The following NUBPL variants were observed in gnomAD, a reference collection of about 807,000 sequenced individuals.
NUBPL encodes iron-sulfur cluster transfer protein NUBPL.
A neutral mutation model predicts 45.7 loss-of-function variants in NUBPL; 31 were observed. That is an observed-to-expected ratio of 0.68 (90% confidence interval 0.51 to 0.92). NUBPL has a LOEUF of 0.92. Ranked by LOEUF, NUBPL falls within the 40% of genes least tolerant of loss-of-function variation. The pLI, the probability that NUBPL is intolerant of heterozygous loss-of-function variation, is 0.00. For synonymous variants in NUBPL, 144 were observed against 140.9 expected (o/e 1.02, Z -0.15); for missense variants, 401 against 398.7 (o/e 1.01, Z -0.05).
At chr14:31,584,603 C>T (rs534196648) in intron 3 of NUBPL, among the ~76,000 whole-genome samples, 2 of 152,314 alleles carry the variant, frequency 1.3e-5, no homozygotes, top group East Asian at 1.9e-4. Context: ...AACTGTCACT[C>T]CTTAATTCCC....
At chr14:31,730,865 G>T (rs2038034861) in intron 6 of NUBPL, among the ~76,000 whole-genome samples, 1 of 152,146 alleles carries the variant, frequency 6.6e-6, no homozygotes, top group South Asian at 2.1e-4. Context: ...GACGTTGTCA[G>T]CCAATGTGTC....
chr14:31,849,919 T>C (rs2040511336), intron 9 of NUBPL, 200 bp from the exon 10 acceptor site: 3 of 600,564 alleles, frequency 5.0e-6, no homozygotes, highest in Non-Finnish European at 8.9e-6. Flanking sequence ...AAACATACAA[T>C]CACTGTACTA....
intron 7 of NUBPL, among the ~76,000 whole-genome samples, chr14:31,806,574 T>A (rs904432737): frequency 1.3e-5 from 2 of 151,952 alleles, no homozygotes; most frequent in African/African-American, 2.4e-5. Context: ...AATACAAGGG[T>A]TTTATCTTTT....
At chr14:31,733,644 C>T (rs1296027770) in intron 6 of NUBPL, among the ~76,000 whole-genome samples, 1 of 152,084 alleles carries the variant, frequency 6.6e-6, no homozygotes, top group African/African-American at 2.4e-5. Context: ...ACCTGTCATA[C>T]TACATTTCTG....
intron 1 of NUBPL, 85 bp downstream of exon 1, chr14:31,561,632 A>G (rs772383236): frequency 2.6e-5 from 24 of 926,936 alleles, no homozygotes; most frequent in Non-Finnish European, 3.2e-5. Flanking sequence ...GCTTCTTGCC[A>G]AAGACTCGCC....
At chr14:31,801,098 C>G (rs1186576367) in intron 7 of NUBPL, 1 of 152,322 alleles carries the variant, frequency 6.6e-6, no homozygotes, top group Non-Finnish European at 1.5e-5. Context: ...CTGCTGGAGC[C>G]ATGGAAAAGG....
chr14:31,659,973 T>C (rs1463300737), intron 4 of NUBPL, among the ~76,000 whole-genome samples: 1 of 152,200 alleles, frequency 6.6e-6, no homozygotes, highest in Non-Finnish European at 1.5e-5. Flanking sequence ...ATGGGCATAG[T>C]AGGGTTCCAA....
intron 4 of NUBPL, among the ~76,000 whole-genome samples, chr14:31,660,389 C>G (rs1260758623): frequency 6.6e-6 from 1 of 152,080 alleles, no homozygotes; most frequent in Non-Finnish European, 1.5e-5. Flanking sequence ...TTTCTTGCGT[C>G]TGATTTCTCA....
intron 3 of NUBPL, among the ~76,000 whole-genome samples, chr14:31,592,435 G>A (rs2034166619): frequency 6.6e-6 from 1 of 152,138 alleles, no homozygotes; most frequent in South Asian, 2.1e-4. Flanking sequence ...TCTGACTTAT[G>A]TTTCATCTGA....
chr14:31,828,613 TTATCA>T (rs1418802161), intron 8 of NUBPL, among the ~76,000 whole-genome samples: 1 of 152,196 alleles, frequency 6.6e-6, no homozygotes, highest in African/African-American at 2.4e-5. Flanking sequence ...CCCCTATAAA[TTATCA>T]TTTTATATAT....
At chr14:31,741,065 A>G (rs1171667405) in intron 6 of NUBPL, among the ~76,000 whole-genome samples, 1 of 152,210 alleles carries the variant, frequency 6.6e-6, no homozygotes, top group Non-Finnish European at 1.5e-5. Context: ...AGTTTAAAAA[A>G]ATGTCTGGTC....
chr14:31,614,919 G>A, intron 4 of NUBPL, among the ~76,000 whole-genome samples: 1 of 152,148 alleles, frequency 6.6e-6, no homozygotes, highest in East Asian at 1.9e-4. Flanking sequence ...TTTTGGAAGA[G>A]ATGATTCTTG....
At chr14:31,599,479 C>CCTT in intron 4 of NUBPL, 100 bp downstream of exon 4, 2 of 826,540 alleles carry the variant, frequency 2.4e-6, no homozygotes, top group Non-Finnish European at 4.0e-6. Flanking sequence ...ATTTTATGCA[C>CCTT]AATGTAGTGT....
chr14:31,734,149 A>C (rs1345752455), intron 6 of NUBPL, among the ~76,000 whole-genome samples: 2 of 152,102 alleles, frequency 1.3e-5, no homozygotes, highest in African/African-American at 4.8e-5. Context: ...TCATTTTTCT[A>C]TTATTTTAAG....
At chr14:31,575,071 C>T (rs1228600353) in intron 3 of NUBPL, among the ~76,000 whole-genome samples, 1 of 151,964 alleles carries the variant, frequency 6.6e-6, no homozygotes, top group African/African-American at 2.4e-5. Context: ...ATTTTTTTCT[C>T]ATGATTACAT....
rs181489656 is a variant in NUBPL, at chr14:31,597,168, G to T, written c.292-2121G>T. ...TTTGTTTCCTTTTTGATATATGCAA[G>T]CATTGGTACTAAATTTAGGTCAGTC... is the stretch of plus-strand genomic sequence containing the variant. On this transcript the variant is annotated intron_variant, in intron 3 of 10. Coordinates refer to ENST00000281081, the MANE Select transcript of NUBPL (RefSeq NM_025152.3). Among the ~76,000 whole-genome samples the T allele has an allele frequency of 2.3e-3, 354 of 152,098 alleles. 1 individual carries two copies. The highest frequency in any genetic ancestry group is 8.4e-3 in the African/African-American group (347 of 41,490).
At chr14:31,745,071 C>G (rs2038367836) in intron 6 of NUBPL, among the ~76,000 whole-genome samples, 1 of 128,210 alleles carries the variant, frequency 7.8e-6, no homozygotes, top group African/African-American at 3.2e-5. Flanking sequence ...TATTATTATA[C>G]TTTAAGTTCT....
chr14:31,829,898 A>G (rs148426198), intron 8 of NUBPL, among the ~76,000 whole-genome samples: 2 of 152,356 alleles, frequency 1.3e-5, no homozygotes, highest in African/African-American at 2.4e-5. Flanking sequence ...CAATATTTGT[A>G]GGTAGACTAT....
chr14:31,572,889 T>C (rs2033625501), intron 3 of NUBPL, among the ~76,000 whole-genome samples: 1 of 152,214 alleles, frequency 6.6e-6, no homozygotes, highest in African/African-American at 2.4e-5. Context: ...CTGAATACTG[T>C]AGACGTTTGT....
Sources: gnomAD v4.1 joint callset for allele counts (sites outside exome capture counted in the v4.1 genomes callset) on GRCh38, gnomAD v4.1.1 for gene constraint, MANE v1.5 for transcripts, NCBI Gene and HGNC (gene_info 2026-07-23, HGNC 2026-07-21) for gene names.